Variants in ITM2B observed in about 807,000 individuals in gnomAD.
ITM2B encodes the protein ABri/ADan amyloid peptide.
In ITM2B, 11 loss-of-function variants were observed where a neutral mutation model predicts 27.8. The ratio of observed to expected loss-of-function variants is 0.40; its 90% CI spans 0.25 to 0.66. The LOEUF (loss-of-function observed/expected upper bound fraction) is 0.66. Ranked by LOEUF, ITM2B falls within the 30% of genes least tolerant of loss-of-function variation. The pLI is 0.43. For missense variants in ITM2B, 296 were observed against 328.9 expected (o/e 0.90, Z 0.77); for synonymous variants, 114 against 114.3 (o/e 1.00, Z 0.02).
At chr13:48,249,656 G>A (rs986104207) in intron 1 of ITM2B, among the ~76,000 whole-genome samples, 4 of 152,158 alleles carry the variant, frequency 2.6e-5, no homozygotes, top group Non-Finnish European at 1.5e-5. Flanking sequence ...AGTGGAAACA[G>A]TCAATTTTAG....
intron 1 of ITM2B, among the ~76,000 whole-genome samples, chr13:48,243,085 C>G (rs1302710873): frequency 6.6e-6 from 1 of 152,084 alleles, no homozygotes; most frequent in Non-Finnish European, 1.5e-5. Flanking sequence ...ATCTGAATTA[C>G]CATTAGCATT....
At chr13:48,249,388 A>G (rs1951740460) in intron 1 of ITM2B, among the ~76,000 whole-genome samples, 1 of 152,086 alleles carries the variant, frequency 6.6e-6, no homozygotes, top group Non-Finnish European at 1.5e-5. Flanking sequence ...GTTGATGGAT[A>G]TTTGGGTTGT....
In ITM2B at chr13:48,266,398, A is replaced by G. The variant is rs1027857703; in HGVS notation, c.*5174A>G. ...TCTCAGACTAAAAGTTTCCTCAGAG[A>G]TGCCACCATAGCTCTCTATTTCTCA... On this transcript the variant is annotated 3_prime_UTR_variant, in exon 6 of 6. Transcript: ENST00000647800. 6.6e-6 allele frequency: 1 copy of G among 152,244 alleles called. No homozygotes were observed. Among genetic ancestry groups the G allele is most frequent in the Admixed American group, 6.6e-5 (1 of 15,264 alleles). The allele number at this position is 152,244 out of a possible 1,614,324, so 9.4% of individuals were successfully genotyped here. A position where few individuals can be genotyped will look rare whatever the true frequency, so the allele number is the denominator to read the frequency against.
At chr13:48,235,848 C>T (rs1454938962) in intron 1 of ITM2B, among the ~76,000 whole-genome samples, 4 of 152,298 alleles carry the variant, frequency 2.6e-5, no homozygotes, top group East Asian at 1.9e-4. Flanking sequence ...CACAATATCC[C>T]GCAGACCATT....
chr13:48,247,916 A>C (rs1402691540), intron 1 of ITM2B, among the ~76,000 whole-genome samples: 1 of 152,104 alleles, frequency 6.6e-6, no homozygotes, highest in Non-Finnish European at 1.5e-5. Flanking sequence ...AGGAAGATTA[A>C]TTAGATGATA....
intron 1 of ITM2B, 111 bp downstream of exon 1, chr13:48,233,588 G>T (rs985682201): frequency 5.0e-6 from 3 of 596,602 alleles, no homozygotes; most frequent in Non-Finnish European, 5.4e-6. Flanking sequence ...TCGCGCCGCG[G>T]GGACAAGTCC....
chr13:48,245,979 C>T (rs1475399082), intron 1 of ITM2B, among the ~76,000 whole-genome samples: 2 of 151,998 alleles, frequency 1.3e-5, no homozygotes, highest in Non-Finnish European at 1.5e-5. Context: ...GGGTTTTCAC[C>T]GTGTTAGCCA....
At chr13:48,246,416 TTAAGTGAATAAGAAA>T (rs1437593632) in intron 1 of ITM2B, among the ~76,000 whole-genome samples, 1 of 152,198 alleles carries the variant, frequency 6.6e-6, no homozygotes, top group Non-Finnish European at 1.5e-5. Flanking sequence ...AGATACTGAT[TTAAGTGAATAAGAAA>T]AAATGCAAAC....
At position 48,268,389 on chromosome 13, in the gene ITM2B, G is replaced by A. The variant is rs1484372808; in HGVS notation, c.*7165G>A. 2.0e-5 allele frequency: 3 copies of A among 151,054 alleles called. No individual in the cohort carries two copies. Among genetic ancestry groups the A allele is most frequent in the African/African-American group, 4.9e-5 (2 of 40,994 alleles). The allele number at this position is 151,054 out of a possible 1,614,324, so 9.4% of individuals were successfully genotyped here. The stretch of plus-strand genomic sequence containing the variant: ...ATCATCTCGGCTCACTGCAATTTCT[G>A]TCTCCCAGGCTCAAGCCATCCTCTA... On this transcript the variant is annotated 3_prime_UTR_variant, in exon 6 of 6. Coordinates refer to ENST00000647800, the MANE Select transcript of ITM2B (RefSeq NM_021999.5).
chr13:48,253,636 G>A (rs1951767010), intron 1 of ITM2B, among the ~76,000 whole-genome samples, 172 bp from the exon 2 acceptor site: 1 of 152,144 alleles, frequency 6.6e-6, no homozygotes, highest in South Asian at 2.1e-4. Context: ...ATTAAGATGA[G>A]CCCTGGAGCT....
Position 48,233,485 on chromosome 13 carries a change from C to A in ITM2B, c.117+8C>A. On this transcript the variant is annotated splice_region_variant and intron_variant, in intron 1 of 5. Transcript: ENST00000647800. ...GTCGCGGTGGACTGCAAGGTCCGAGCCCGGGGAGGTCGAGGAAGCGGGTGC... is the reference window on the plus strand; with the variant it reads ...GTCGCGGTGGACTGCAAGGTCCGAGACCGGGGAGGTCGAGGAAGCGGGTGC... 6.6e-7 allele frequency: 1 copy of A among 1,506,800 alleles called. No individual in the cohort carries two copies. The highest frequency in any genetic ancestry group is 8.9e-7 in the Non-Finnish European group (1 of 1,123,632). 93.3% of individuals were successfully genotyped at this position (1,506,800 alleles called of 1,614,324 possible).
rs1175576023 is a variant in ITM2B, at chr13:48,267,384, C to T, written c.*6160C>T. On this transcript the variant is annotated 3_prime_UTR_variant, in exon 6 of 6. Transcript: ENST00000647800. ...TTTAACCCCTAATTATCTGATAACC[C>T]AAGTTCTGTCAGAAACACTGCTGAG... is the stretch of plus-strand genomic sequence containing the variant. 3 of 152,160 alleles carry T rather than the reference C, an allele frequency of 2.0e-5. No individual in the cohort carries two copies. The highest frequency in any genetic ancestry group is 4.4e-5 in the Non-Finnish European group (3 of 68,044). 9.4% of individuals were successfully genotyped at this position (152,160 alleles called of 1,614,324 possible). A position where few individuals can be genotyped will look rare whatever the true frequency, so the allele number is the denominator to read the frequency against.
chr13:48,235,608 A>T (rs1951663874), intron 1 of ITM2B, among the ~76,000 whole-genome samples: 1 of 152,178 alleles, frequency 6.6e-6, no homozygotes, highest in African/African-American at 2.4e-5. Context: ...AGAAGTTCTG[A>T]TCTCTTCATT....
intron 3 of ITM2B, among the ~76,000 whole-genome samples, chr13:48,257,268 C>T (rs1320552159): frequency 2.0e-5 from 3 of 152,184 alleles, no homozygotes; most frequent in Non-Finnish European, 4.4e-5. Context: ...ACTCGAGAAG[C>T]ACAACCTCAG....
chr13:48,256,327 C>G lies in ITM2B; in HGVS notation c.397C>G (p.Pro133Ala). 1 of 1,613,926 alleles carries G rather than the reference C, an allele frequency of 6.2e-7. No individual in the cohort carries two copies. Residue 133 changes from proline (P) to alanine (A), a missense_variant, in exon 3 of 6, where the codon CCT (proline) becomes GCT (alanine). Pro to Ala is a conservative substitution (Grantham distance 27). Transcript: ENST00000647800. Reference protein sequence around the residue: ...EEEEVEFISVPVPEFADSDPA... With the variant: ...EEEEVEFISVAVPEFADSDPA... ...AGAAGAAGTTGAATTTATCAGTGTG[C>G]CTGTCCCAGAGTTTGCAGATAGTGA...
intron 3 of ITM2B, among the ~76,000 whole-genome samples, chr13:48,257,636 G>A (rs551290938): frequency 1.2e-4 from 19 of 152,126 alleles, no homozygotes; most frequent in Non-Finnish European, 2.8e-4. Context: ...TTTGATTTAA[G>A]TTATTCTTAA....
At position 48,262,098 on chromosome 13, in the gene ITM2B, A is replaced by G. The variant is rs1278109047; in HGVS notation, c.*874A>G. Reference sequence around the variant, plus strand: ...AGTAACATTTAAGCCTCAACCTTGAATGATGTTGTTTAATATAAAATGCTT... The same window carrying G: ...AGTAACATTTAAGCCTCAACCTTGAGTGATGTTGTTTAATATAAAATGCTT... On this transcript the variant is annotated 3_prime_UTR_variant, in exon 6 of 6. Transcript: ENST00000647800. 1 of 152,158 alleles carries G rather than the reference A, an allele frequency of 6.6e-6. No individual in the cohort carries two copies. Among genetic ancestry groups the G allele is most frequent in the Non-Finnish European group, 1.5e-5 (1 of 68,008 alleles). The allele number at this position is 152,158 out of a possible 1,614,324, so 9.4% of individuals were successfully genotyped here. A position where few individuals can be genotyped will look rare whatever the true frequency, so the allele number is the denominator to read the frequency against.
chr13:48,233,337 T>A lies in ITM2B; in HGVS notation c.-24T>A. ...CCGCGCCCCGAGCCCGCCGCCGCCC[T>A]TCGAGGGCGCCCCAGGCCGCGCCAT... On this transcript the variant is annotated 5_prime_UTR_variant, in exon 1 of 6. Coordinates refer to ENST00000647800, the MANE Select transcript of ITM2B (RefSeq NM_021999.5). 6.7e-7 allele frequency: 1 copy of A among 1,495,382 alleles called. No individual in the cohort carries two copies. Among genetic ancestry groups the A allele is most frequent in the South Asian group, 1.2e-5 (1 of 81,310 alleles). The allele number at this position is 1,495,382 out of a possible 1,614,324, so 92.6% of individuals were successfully genotyped here.
intron 1 of ITM2B, among the ~76,000 whole-genome samples, chr13:48,239,718 A>T (rs754162692): frequency 3.3e-5 from 5 of 152,192 alleles, no homozygotes; most frequent in Non-Finnish European, 5.9e-5. Context: ...GCAAGCTAAA[A>T]ATCAGTACTA....
Sources: gnomAD v4.1 joint callset for allele counts (sites outside exome capture counted in the v4.1 genomes callset) on GRCh38, gnomAD v4.1.1 for gene constraint, MANE v1.5 for transcripts, NCBI Gene and HGNC (gene_info 2026-07-23, HGNC 2026-07-21) for gene names.